The following SOAT1 variants were observed in gnomAD, a reference collection of about 807,000 sequenced individuals.
The protein encoded by SOAT1 is acyl-coenzyme A:cholesterol acyltransferase 1.
In SOAT1, 55 loss-of-function variants were observed where a neutral mutation model predicts 69.5. That is an observed-to-expected ratio of 0.79 (90% confidence interval 0.64 to 0.99). SOAT1 has a LOEUF of 0.99. Ranked by LOEUF, SOAT1 falls within the 50% of genes least tolerant of loss-of-function variation. The pLI, the probability that SOAT1 is intolerant of heterozygous loss-of-function variation, is 0.00. For missense variants in SOAT1, 580 were observed against 669.3 expected, an observed-to-expected ratio of 0.87 and a Z score of 1.47; for synonymous variants, 231 against 224.7, an observed-to-expected ratio of 1.03 and a Z score of -0.25.
intron 4 of SOAT1, 100 bp downstream of exon 4, chr1:179,335,757 T>C (rs1034269): frequency 0.53 from 588,617 of 1,108,584 alleles, 161,300 homozygotes; most frequent in East Asian, 0.85. Flanking sequence ...CACCCTGGTG[T>C]CACTTTCTAT....
intron 3 of SOAT1, among the ~76,000 whole-genome samples, chr1:179,331,900 A>G (rs1440537495): frequency 6.6e-6 from 1 of 152,218 alleles, no homozygotes; most frequent in Non-Finnish European, 1.5e-5. Context: ...AAAGACAGGC[A>G]GCAAATCAGA....
intron 12 of SOAT1, 60 bp from the exon 13 acceptor site, chr1:179,348,779 TGTGTG>T: frequency 8.4e-6 from 1 of 119,400 alleles, no homozygotes; most frequent in Middle Eastern, 1.5e-3. Context: ...TGTGTGTGTG[TGTGTG>T]TGTGTGTGTG....
intron 2 of SOAT1, among the ~76,000 whole-genome samples, chr1:179,304,118 C>T (rs898682346): frequency 3.3e-5 from 5 of 152,140 alleles, no homozygotes. Context: ...GTAACAACCT[C>T]TTTGGTTTAA....
chr1:179,319,061 T>C (rs1275850358), intron 2 of SOAT1, among the ~76,000 whole-genome samples: 1 of 152,156 alleles, frequency 6.6e-6, no homozygotes, highest in Non-Finnish European at 1.5e-5. Flanking sequence ...CCACCAGCAA[T>C]ATCCTGGATA....
chr1:179,345,927 T>TG (rs60347581), intron 11 of SOAT1, among the ~76,000 whole-genome samples: 3 of 151,964 alleles, frequency 2.0e-5, no homozygotes, highest in Non-Finnish European at 1.5e-5. Context: ...TGCATTTTTT[T>TG]GTCTATTATA....
At position 179,342,813 on chromosome 1, in the gene SOAT1, T is replaced by C. The variant is rs554617370; in HGVS notation, c.860-49T>C. ...CTTATATTCCCCCCTGTATTTTTGC[T>C]GTGAAAAATCAAAGAGCCTTTGCTC... is the stretch of plus-strand genomic sequence containing the variant. On this transcript the variant is annotated intron_variant, in intron 8 of 15. Transcript: ENST00000367619. The C allele has an allele frequency of 1.7e-5, 23 of 1,329,342 alleles. No individual in the cohort carries two copies. The East Asian group carries it at 5.3e-4, about 30-fold the overall frequency. The allele number at this position is 1,329,342 out of a possible 1,614,324, so 82.3% of individuals were successfully genotyped here.
At position 179,341,034 on chromosome 1, in the gene SOAT1, G is replaced by C. The variant is rs753001180; in HGVS notation, c.504G>C (p.Val168=). ...VVDYIDEGRL[V]LEFSLLSYAF... ...CTGTACCTTTTCTCCCCAGGCTGGT[G>C]CTTGAGTTCAGCCTCCTGTCTTATG... Residue 168 remains valine (V), a synonymous_variant, in exon 7 of 16, where the codon GTG becomes GTC. Coordinates refer to ENST00000367619, the MANE Select transcript of SOAT1 (RefSeq NM_003101.6). 4 of 1,613,774 alleles carry C rather than the reference G, an allele frequency of 2.5e-6. No homozygotes were observed. The highest frequency in any genetic ancestry group is 2.5e-6 in the Non-Finnish European group (3 of 1,179,794).
At chr1:179,350,532 T>C (rs1054497567) in intron 14 of SOAT1, 101 bp downstream of exon 14, 1 of 1,097,032 alleles carries the variant, frequency 9.1e-7, no homozygotes, top group African/African-American at 1.6e-5. Context: ...TAGATAGTAG[T>C]AGTAACATTT....
chr1:179,314,583 C>T (rs1279758839), intron 2 of SOAT1, among the ~76,000 whole-genome samples: 2 of 152,018 alleles, frequency 1.3e-5, no homozygotes, highest in African/African-American at 2.4e-5. Context: ...GGGTAAAGTA[C>T]ATTTTTGTTT....
In SOAT1 at chr1:179,335,541, TCACTTTGATGATTTTGTGACCAATCTC is replaced by T; in HGVS notation, c.214_240del (p.His72_Leu80del). 1 of 1,612,014 alleles carries T rather than the reference TCACTTTGATGATTTTGTGACCAATCTC, an allele frequency of 6.2e-7. No individual in the cohort carries two copies. The highest frequency in any genetic ancestry group is 1.1e-5 in the South Asian group (1 of 90,592). On this transcript the variant is annotated inframe_deletion, in exon 4 of 16. Transcript: ENST00000367619. Reference sequence around the variant, plus strand: ...CATTTTTTATGAAGGAAGTTGGCAGTCACTTTGATGATTTTGTGACCAATCTCATTGAAAAGTCAGCATCATTAGATA... The same window carrying T: ...CATTTTTTATGAAGGAAGTTGGCAGTATTGAAAAGTCAGCATCATTAGATA...
chr1:179,319,161 T>A (rs1665502207), intron 2 of SOAT1, among the ~76,000 whole-genome samples: 1 of 152,168 alleles, frequency 6.6e-6, no homozygotes, highest in Admixed American at 6.5e-5. Context: ...TGATACCTCA[T>A]TGTACTTTTG....
intron 14 of SOAT1, among the ~76,000 whole-genome samples, 181 bp from the exon 15 acceptor site, chr1:179,351,136 C>T (rs1254711550): frequency 6.7e-6 from 1 of 149,466 alleles, no homozygotes; most frequent in Non-Finnish European, 1.5e-5. Context: ...CTCTGCCTCC[C>T]TGCTTCAAGT....
Position 179,336,584 on chromosome 1 carries a change from T to C in SOAT1, c.329+927T>C, listed in dbSNP as rs150523898. Among the ~76,000 whole-genome samples the C allele has an allele frequency of 8.9e-3, 1,360 of 151,990 alleles. 29 individuals carry two copies. The highest frequency in any genetic ancestry group is 0.032 in the African/African-American group (1,307 of 41,454). ...CCAAACAGTGATCCTATGAGACAGA[T>C]AACTGTAGCTATCCGCATGTTACAG... On this transcript the variant is annotated intron_variant, in intron 4 of 15. Coordinates refer to ENST00000367619, the MANE Select transcript of SOAT1 (RefSeq NM_003101.6).
Position 179,311,488 on chromosome 1 carries a change from G to C in SOAT1, c.118+8686G>C, listed in dbSNP as rs114249651. Among the ~76,000 whole-genome samples, 484 of 152,186 alleles carry C rather than the reference G, an allele frequency of 3.2e-3. 4 individuals carry two copies. Among genetic ancestry groups the C allele is most frequent in the African/African-American group, 0.011 (448 of 41,520 alleles). On this transcript the variant is annotated intron_variant, in intron 2 of 15. Transcript: ENST00000367619. ...TTGGCTAGCAAGAAAACAAAGATAA[G>C]AAGTGTAAAATTCTTTCTCAGAACA...
intron 2 of SOAT1, among the ~76,000 whole-genome samples, chr1:179,316,542 A>G (rs1665403023): frequency 6.6e-6 from 1 of 152,122 alleles, no homozygotes; most frequent in Non-Finnish European, 1.5e-5. Flanking sequence ...GATTACAGGC[A>G]TGTGCCACCA....
chr1:179,303,507 G>T (rs966358854), intron 2 of SOAT1, among the ~76,000 whole-genome samples: 2 of 152,190 alleles, frequency 1.3e-5, no homozygotes, highest in Non-Finnish European at 2.9e-5. Flanking sequence ...ATTGAGGATT[G>T]TTTAGTTAAC....
chr1:179,310,051 C>T (rs1238832212), intron 2 of SOAT1, among the ~76,000 whole-genome samples: 1 of 151,986 alleles, frequency 6.6e-6, no homozygotes, highest in African/African-American at 2.4e-5. Flanking sequence ...AGGCATGTAC[C>T]ACCATGTCCT....
chr1:179,332,093 T>C (rs1417179572), intron 3 of SOAT1, among the ~76,000 whole-genome samples: 1 of 152,230 alleles, frequency 6.6e-6, no homozygotes. Context: ...GTTTTATGTC[T>C]CTGTACCTTT....
At chr1:179,312,137 A>G (rs1194564509) in intron 2 of SOAT1, among the ~76,000 whole-genome samples, 2 of 152,242 alleles carry the variant, frequency 1.3e-5, no homozygotes, top group Admixed American at 6.5e-5. Context: ...TGTCACAGAA[A>G]TTCATCAAGA....
Sources: allele counts gnomAD v4.1 joint callset (sites outside exome capture counted in the v4.1 genomes callset), GRCh38; gene constraint gnomAD v4.1.1; transcripts MANE v1.5; gene names NCBI Gene and HGNC (gene_info 2026-07-23, HGNC 2026-07-21).